The following PTPRS variants were observed in gnomAD, a reference collection of about 807,000 sequenced individuals.
PTPRS encodes the protein protein tyrosine phosphatase receptor type S.
Under a neutral mutation model 215.3 loss-of-function variants are expected in PTPRS, and 63 were observed. That is an observed-to-expected ratio of 0.29 (90% CI 0.24 to 0.36). The LOEUF (loss-of-function observed/expected upper bound fraction) is 0.36. Among genes scored for constraint, PTPRS ranks in the 10% least tolerant of loss-of-function variants. The pLI is 1.00. For missense variants in PTPRS, 2,258 were observed against 2,825.8 expected (o/e 0.80, Z 4.56); for synonymous variants, 1,404 against 1,191.4 (o/e 1.18, Z -3.68).
In PTPRS at chr19:5,244,050, T is replaced by G. The variant is rs892819223; in HGVS notation, c.1421A>C (p.Asn474Thr). The change falls in exon 11 of 38, where the codon AAC (asparagine) becomes ACC (threonine). Residue 474 changes from asparagine (N) to threonine (T), a missense_variant. Physicochemically the swap from Asn to Thr is moderately conservative, Grantham distance 65 (BLOSUM62 0). This residue lies in a region of PTPRS where 508 missense variants were observed against 799.4 expected (regional missense o/e 0.64). Transcript: ENST00000262963. This position sits in a 1 kb window ranked among gnomAD's most constrained non-coding sequence, Gnocchi z 7.2. ...YTMEPEHPVG[N>T]WQKHNVDDSL... Reference sequence around the variant, plus strand: ...GTCGTCCACGTTGTGCTTCTGCCAGTTGCCCACGGGGTGCTCCGGTTCCAT... The same window carrying G: ...GTCGTCCACGTTGTGCTTCTGCCAGGTGCCCACGGGGTGCTCCGGTTCCAT... The G allele has an allele frequency of 4.3e-6, 7 of 1,610,296 alleles. No individual in the cohort carries two copies. In the Admixed American group the frequency reaches 1.0e-4, roughly 23 times the overall value.
chr19:5,229,184 G>A (rs2042783025), intron 16 of PTPRS, 132 bp downstream of exon 16: 2 of 1,039,156 alleles, frequency 1.9e-6, no homozygotes, highest in Admixed American at 4.2e-5. Flanking sequence ...ATGGGAGAGC[G>A]AGGGGCGCAT....
In PTPRS at chr19:5,222,817, T is replaced by G. The variant is rs368236845; in HGVS notation, c.2975A>C (p.Glu992Ala). Residue 992 changes from glutamate to alanine, a missense_variant, in exon 18 of 38, where the codon GAG (glutamate) becomes GCG (alanine). Coordinates refer to ENST00000262963, the MANE Select transcript of PTPRS (RefSeq NM_002850.4). ...CAGGCCCTGCAGCGTGAGCGCGTTCTCCGCGCCCGGCTCAGCCGCTGCCGG... is the reference window on the plus strand; with the variant it reads ...CAGGCCCTGCAGCGTGAGCGCGTTCGCCGCGCCCGGCTCAGCCGCTGCCGG... Reference protein sequence around the residue: ...ELPAAAEPGAENALTLQGLKP... With the variant: ...ELPAAAEPGAANALTLQGLKP... 6.3e-7 allele frequency: 1 copy of G among 1,596,432 alleles called. No individual in the cohort carries two copies. Among genetic ancestry groups the G allele is most frequent in the South Asian group, 1.1e-5 (1 of 90,816 alleles).
chr19:5,211,728 C>G lies in PTPRS; in HGVS notation c.5096G>C (p.Ser1699Thr). Reference sequence around the variant, plus strand: ...GAACTTGTTACAAGGCAGATTGGCACTGATGAAGCGTGACGTGTGGGCCTT... The same window carrying G: ...GAACTTGTTACAAGGCAGATTGGCAGTGATGAAGCGTGACGTGTGGGCCTT... ...NSKAHTSRFI[S>T]ANLPCNKFKN... The change falls in exon 33 of 38, where the codon AGT (serine) becomes ACT (threonine). Residue 1699 changes from serine to threonine, a missense_variant. By Grantham distance (58) the Ser-to-Thr change is moderately conservative. This residue lies in a region of PTPRS where 927 missense variants were observed against 1,125.9 expected (regional missense o/e 0.82). Transcript: ENST00000262963. The G allele has an allele frequency of 6.2e-7, 1 of 1,614,070 alleles. No individual in the cohort carries two copies. Among genetic ancestry groups the G allele is most frequent in the Non-Finnish European group, 8.5e-7 (1 of 1,179,998 alleles).
Position 5,229,585 on chromosome 19 carries a change from T to C in PTPRS, c.2255A>G (p.Gln752Arg). ...GTAGTGGACCTGGTAGCCGCGGATC[T>C]GGCCGTGCTGCCGGCCGGGCGCGGG... ...RSPAPGRQHGQIRGYQVHYVR... is the reference protein window; with the variant it reads ...RSPAPGRQHGRIRGYQVHYVR... The change falls in exon 15 of 38, where the codon CAG (glutamine) becomes CGG (arginine). Residue 752 changes from glutamine to arginine, a missense_variant. By Grantham distance (43) the Gln-to-Arg change is conservative (BLOSUM62 1). Coordinates refer to ENST00000262963, the MANE Select transcript of PTPRS (RefSeq NM_002850.4). The C allele has an allele frequency of 7.0e-7, 1 of 1,436,418 alleles. No individual in the cohort carries two copies. The highest frequency in any genetic ancestry group is 1.5e-5 in the African/African-American group (1 of 67,164). The allele number at this position is 1,436,418 out of a possible 1,614,324, so 89.0% of individuals were successfully genotyped here. A position where few individuals can be genotyped will look rare whatever the true frequency, so the allele number is the denominator to read the frequency against.
intron 9 of PTPRS, among the ~76,000 whole-genome samples, chr19:5,250,025 G>A (rs1367236873): frequency 2.6e-5 from 4 of 152,190 alleles, no homozygotes; most frequent in Admixed American, 2.6e-4. Flanking sequence ...GCAGTACAGG[G>A]TTAACTATAA....
rs868294368 is a variant in PTPRS at position 5,222,833 on chromosome 19, C to A, written c.2959G>T (p.Ala987Ser). The A allele has an allele frequency of 2.5e-6, 4 of 1,594,244 alleles. No homozygotes were observed. The highest frequency in any genetic ancestry group is 1.7e-4 in the Middle Eastern group (1 of 6,038). ...AGCGCGTTCTCCGCGCCCGGCTCAG[C>A]CGCTGCCGGCAGCTCAGTCTCTCGG... ...PARETELPAA[A>S]EPGAENALTL... Residue 987 changes from alanine to serine, a missense_variant, in exon 18 of 38, where the codon GCT (alanine) becomes TCT (serine). Around this residue, in one of 6 missense-constraint regions of PTPRS, gnomAD observed 361 missense variants for 332.6 expected, o/e 1.09. Coordinates refer to ENST00000262963, the MANE Select transcript of PTPRS (RefSeq NM_002850.4).
intron 1 of PTPRS, among the ~76,000 whole-genome samples, chr19:5,312,365 A>AAAAATAGCT (rs1454748864): frequency 6.6e-6 from 1 of 152,190 alleles, no homozygotes; most frequent in Non-Finnish European, 1.5e-5. Context: ...CAAATGCTAT[A>AAAAATAGCT]ATAATAGCAG....
chr19:5,317,849 A>G (rs1190176729), intron 1 of PTPRS, among the ~76,000 whole-genome samples: 3 of 151,960 alleles, frequency 2.0e-5, no homozygotes, highest in Non-Finnish European at 2.9e-5. Context: ...CACCCTGGCC[A>G]ACATGGTGAA....
intron 20 of PTPRS, 85 bp from the exon 21 acceptor site, chr19:5,220,438 TTC>T (rs2041879752): frequency 3.6e-6 from 4 of 1,107,976 alleles, no homozygotes; most frequent in East Asian, 2.5e-5. Context: ...GGGAAGCCGT[TTC>T]TCTGAGTCTT....
intron 35 of PTPRS, 70 bp from the exon 36 acceptor site, chr19:5,208,461 T>C: frequency 7.4e-7 from 1 of 1,343,112 alleles, no homozygotes. Context: ...CCATCCTCCC[T>C]ATCTTCACCC....
At chr19:5,283,697 T>G (rs1322601994) in intron 2 of PTPRS, among the ~76,000 whole-genome samples, 1 of 152,098 alleles carries the variant, frequency 6.6e-6, no homozygotes, top group Non-Finnish European at 1.5e-5. Context: ...CAGATCACAG[T>G]GCAGCTATAC....
In PTPRS at chr19:5,305,767, T is replaced by TA. The variant is rs1450959995; in HGVS notation, c.-94-19534_-94-19533insT. Among the ~76,000 whole-genome samples the TA allele has an allele frequency of 4.8e-3, 427 of 89,666 alleles. 2 individuals are homozygous for TA. The highest frequency in any genetic ancestry group is 0.012 in the African/African-American group (197 of 16,906). The allele number at this position is 89,666 out of a possible 152,430, so 58.8% of individuals were successfully genotyped here. A position where few individuals can be genotyped will look rare whatever the true frequency, so the allele number is the denominator to read the frequency against. ...AATAAATATATATATATATATATAT[T>TA]TTTTTTTTAAAGGCAAATTCCAATT... On this transcript the variant is annotated intron_variant, in intron 1 of 37. Coordinates refer to ENST00000262963, the MANE Select transcript of PTPRS (RefSeq NM_002850.4).
chr19:5,239,124 A>T, intron 12 of PTPRS, 61 bp from the exon 13 acceptor site: 1 of 1,292,096 alleles, frequency 7.7e-7, no homozygotes, highest in Non-Finnish European at 1.1e-6. Flanking sequence ...AGACAGAAAC[A>T]AAGGGGAGAG....
At chr19:5,225,000 A>C in intron 17 of PTPRS, among the ~76,000 whole-genome samples, 2 of 151,098 alleles carry the variant, frequency 1.3e-5, no homozygotes, top group South Asian at 2.1e-4. Context: ...CACCACCACC[A>C]CCACCACGCC....
At chr19:5,335,706 T>G (rs1237502237) in intron 1 of PTPRS, among the ~76,000 whole-genome samples, 2 of 152,152 alleles carry the variant, frequency 1.3e-5, no homozygotes, top group Non-Finnish European at 2.9e-5. Context: ...GGGACATTTG[T>G]GATCCAGCCC....
intron 16 of PTPRS, among the ~76,000 whole-genome samples, chr19:5,227,166 C>T (rs1286849725): frequency 6.6e-6 from 1 of 151,972 alleles, no homozygotes; most frequent in Admixed American, 6.5e-5. Flanking sequence ...CCCGCCTTAG[C>T]CTCCCAAGTA....
At chr19:5,267,891 C>T (rs2046555048) in intron 4 of PTPRS, among the ~76,000 whole-genome samples, 2 of 152,014 alleles carry the variant, frequency 1.3e-5, no homozygotes, top group South Asian at 4.2e-4. Flanking sequence ...TTTTATCAGC[C>T]GGGCACAGTG....
Position 5,265,034 on chromosome 19 carries a change from T to C in PTPRS, c.542A>G (p.Asn181Ser), listed in dbSNP as rs1341984889. Reference sequence around the variant, plus strand: ...TGATCGCAGCTGTTTGATGCGTCCATTGCTGGCACTAGGATCCACAGGCAG... The same window carrying C: ...TGATCGCAGCTGTTTGATGCGTCCACTGCTGGCACTAGGATCCACAGGCAG... The part of the protein sequence containing the change: ...DFLPVDPSAS[N>S]GRIKQLRSET... Residue 181 changes from asparagine to serine, a missense_variant, in exon 5 of 38, where the codon AAT becomes AGT. Physicochemically the swap from Asn to Ser is conservative, Grantham distance 46 (BLOSUM62 1). This residue lies in a region of PTPRS where 508 missense variants were observed against 799.4 expected (regional missense o/e 0.64). Transcript: ENST00000262963. The C allele has an allele frequency of 6.2e-7, 1 of 1,613,994 alleles. No individual in the cohort carries two copies. Among genetic ancestry groups the C allele is most frequent in the African/African-American group, 1.3e-5 (1 of 74,908 alleles).
At chr19:5,282,627 A>C (rs574145619) in intron 2 of PTPRS, among the ~76,000 whole-genome samples, 1 of 152,028 alleles carries the variant, frequency 6.6e-6, no homozygotes, top group Admixed American at 6.5e-5. Flanking sequence ...ACATGGCAAA[A>C]CCCCATCTCT....
Sources: gnomAD v4.1 joint callset for allele counts (sites outside exome capture counted in the v4.1 genomes callset) on GRCh38, gnomAD v4.1.1 for gene constraint, gnomAD v4.1.1 regional missense constraint, Gnocchi (gnomAD v3.1) non-coding constraint, MANE v1.5 for transcripts, NCBI Gene and HGNC (gene_info 2026-07-23, HGNC 2026-07-21) for gene names.